PRCP: variants seen among roughly 807,000 people sequenced by gnomAD.
PRCP encodes lysosomal Pro-X carboxypeptidase.
Under a neutral mutation model 54.2 loss-of-function variants are expected in PRCP, and 46 were observed. That is an observed-to-expected ratio of 0.85 (90% CI 0.67 to 1.09). The LOEUF is 1.09. PRCP is among the 50% of genes least tolerant of loss of function. The pLI, the probability that PRCP is intolerant of heterozygous loss-of-function variation, is 0.00. For synonymous variants in PRCP, 240 were observed against 212.2 expected (o/e 1.13, Z -1.14); for missense variants, 613 against 596.8 (o/e 1.03, Z -0.28).
chr11:82,833,420 G>A (rs572158636), intron 8 of PRCP, among the ~76,000 whole-genome samples: 3 of 152,246 alleles, frequency 2.0e-5, no homozygotes, highest in South Asian at 4.1e-4. Context: ...TTAGAATGGC[G>A]ATTATTAAAA....
At chr11:82,833,665 A>G (rs752417415) in intron 8 of PRCP, among the ~76,000 whole-genome samples, 3 of 152,128 alleles carry the variant, frequency 2.0e-5, no homozygotes, top group Non-Finnish European at 4.4e-5. Flanking sequence ...TTCAACAAAT[A>G]TTTTTTGAGC....
intron 1 of PRCP, among the ~76,000 whole-genome samples, chr11:82,871,063 T>G (rs1002195253): frequency 5.3e-5 from 8 of 152,162 alleles, no homozygotes; most frequent in Admixed American, 1.3e-4. Flanking sequence ...ATAAAAATAA[T>G]GTAAGGCTGC....
At chr11:82,883,119 G>A (rs1322423104) in intron 1 of PRCP, among the ~76,000 whole-genome samples, 1 of 152,204 alleles carries the variant, frequency 6.6e-6, no homozygotes, top group Non-Finnish European at 1.5e-5. Context: ...GATGGGTGGA[G>A]TCCTAGCACT....
Position 82,824,823 on chromosome 11 carries a change from G to A in PRCP, c.*83C>T. On this transcript the variant is annotated 3_prime_UTR_variant, in exon 9 of 9. Transcript: ENST00000313010. ...CAAATCTAATGATAAACAAAAGAAGGTAATTACATGTAGAAAATCAAAGTG... is the reference window on the plus strand; with the variant it reads ...CAAATCTAATGATAAACAAAAGAAGATAATTACATGTAGAAAATCAAAGTG... 1 of 1,337,796 alleles carries A rather than the reference G, an allele frequency of 7.5e-7. No individual in the cohort carries two copies. The highest frequency in any genetic ancestry group is 1.0e-6 in the Non-Finnish European group (1 of 966,356). The allele number at this position is 1,337,796 out of a possible 1,614,324, so 82.9% of individuals were successfully genotyped here.
At chr11:82,872,589 A>G (rs970805319) in intron 1 of PRCP, among the ~76,000 whole-genome samples, 1 of 152,204 alleles carries the variant, frequency 6.6e-6, no homozygotes, top group Non-Finnish European at 1.5e-5. Context: ...AAAGAACGCC[A>G]AGGACTGCCA....
At chr11:82,884,953 A>G (rs1444797090) in intron 1 of PRCP, 1 of 1,584,106 alleles carries the variant, frequency 6.3e-7, no homozygotes, top group East Asian at 2.2e-5. Flanking sequence ...CACACCTCCC[A>G]GCTCAAACAA....
chr11:82,869,635 G>A (rs1859431184), intron 1 of PRCP, among the ~76,000 whole-genome samples: 1 of 152,222 alleles, frequency 6.6e-6, no homozygotes, highest in African/African-American at 2.4e-5. Flanking sequence ...ACAGTGACTG[G>A]AATAAGGCCT....
At chr11:82,848,926 C>G in intron 6 of PRCP, 123 bp downstream of exon 6, 2 of 986,356 alleles carry the variant, frequency 2.0e-6, no homozygotes, top group Non-Finnish European at 2.9e-6. Context: ...GATTCCAGCT[C>G]AAGTTTGACA....
At chr11:82,887,442 A>G (rs1028411482) in intron 1 of PRCP, among the ~76,000 whole-genome samples, 4 of 152,234 alleles carry the variant, frequency 2.6e-5, no homozygotes, top group South Asian at 2.1e-4. Flanking sequence ...ACTGTTAGGT[A>G]TTATATCAAC....
chr11:82,856,094 C>A (rs948497372), intron 2 of PRCP, among the ~76,000 whole-genome samples: 6 of 151,982 alleles, frequency 3.9e-5, no homozygotes, highest in Non-Finnish European at 8.8e-5. Context: ...TTACTTGAGT[C>A]CAGGAGTTTG....
intron 3 of PRCP, 74 bp downstream of exon 3, chr11:82,853,103 G>T: frequency 9.6e-7 from 1 of 1,038,678 alleles, no homozygotes; most frequent in South Asian, 1.7e-5. Flanking sequence ...ATCTCACAGT[G>T]GGGCATATAA....
At chr11:82,838,641 CA>C in intron 7 of PRCP, 67 bp from the exon 8 acceptor site, 1 of 1,491,220 alleles carries the variant, frequency 6.7e-7, no homozygotes, top group African/African-American at 1.4e-5. Context: ...ATAAATTACA[CA>C]AAGTCATAAT....
At position 82,823,534 on chromosome 11, in the gene PRCP, T is replaced by A. The variant is rs1398861224; in HGVS notation, c.*1372A>T. ...TTCCATCCCAAGAATGAACTCTATA[T>A]ATGCCCTTAAAAAAAAAAAATGCCA... On this transcript the variant is annotated 3_prime_UTR_variant, in exon 9 of 9. Coordinates refer to ENST00000313010, the MANE Select transcript of PRCP (RefSeq NM_005040.4). The A allele has an allele frequency of 2.6e-5, 3 of 116,902 alleles. No homozygotes were observed. Among genetic ancestry groups the A allele is most frequent in the African/African-American group, 1.2e-4 (3 of 24,126 alleles). 7.2% of individuals were successfully genotyped at this position (116,902 alleles called of 1,614,324 possible).
intron 8 of PRCP, chr11:82,836,405 C>T (rs999634380): frequency 4.6e-5 from 7 of 153,800 alleles, no homozygotes; most frequent in African/African-American, 1.7e-4. Flanking sequence ...ACCATGAAAC[C>T]TCTACAGGTC....
At chr11:82,852,715 A>G (rs1301657058) in intron 3 of PRCP, among the ~76,000 whole-genome samples, 1 of 151,386 alleles carries the variant, frequency 6.6e-6, no homozygotes, top group Non-Finnish European at 1.5e-5. Context: ...AAGGGAATCC[A>G]AGGGGCCAGT....
At chr11:82,854,196 G>C (rs559598544) in intron 2 of PRCP, among the ~76,000 whole-genome samples, 1 of 152,110 alleles carries the variant, frequency 6.6e-6, no homozygotes, top group East Asian at 1.9e-4. Flanking sequence ...ATCCAAACAG[G>C]AAGAGAGGAT....
chr11:82,830,089 A>G (rs1484941845), intron 8 of PRCP: 1 of 152,208 alleles, frequency 6.6e-6, no homozygotes, highest in Non-Finnish European at 1.5e-5. Flanking sequence ...TTTTTAAGAA[A>G]GATAGTACCC....
chr11:82,871,179 T>C (rs1428865270), intron 1 of PRCP, among the ~76,000 whole-genome samples: 5 of 142,288 alleles, frequency 3.5e-5, no homozygotes, highest in South Asian at 2.2e-4. Flanking sequence ...ATGTTTCTCT[T>C]TTTTTTTTTT....
At chr11:82,852,802 A>G (rs1389840671) in intron 3 of PRCP, among the ~76,000 whole-genome samples, 1 of 152,188 alleles carries the variant, frequency 6.6e-6, no homozygotes, top group Non-Finnish European at 1.5e-5. Flanking sequence ...TATCAGATAA[A>G]TTTGTTATGC....
Sources: allele counts gnomAD v4.1 joint callset (sites outside exome capture counted in the v4.1 genomes callset), GRCh38; gene constraint gnomAD v4.1.1; transcripts MANE v1.5; gene names NCBI Gene and HGNC (gene_info 2026-07-23, HGNC 2026-07-21).